The following EPS8 variants were observed in gnomAD, a reference collection of about 807,000 sequenced individuals.
The protein encoded by EPS8 is epidermal growth factor receptor kinase substrate 8.
A neutral mutation model predicts 103.8 loss-of-function variants in EPS8; 42 were observed. The ratio of observed to expected loss-of-function variants is 0.40; its 90% CI spans 0.32 to 0.52. The LOEUF (loss-of-function observed/expected upper bound fraction) is 0.52. Ranked by LOEUF, EPS8 falls within the 20% of genes least tolerant of loss-of-function variation. The pLI is 0.40. For missense variants in EPS8, 969 were observed against 1,005.1 expected (o/e 0.96, Z 0.49); for synonymous variants, 344 against 344.6 (o/e 1.00, Z 0.02).
At chr12:15,661,523 C>G (rs1458802936) in intron 9 of EPS8, among the ~76,000 whole-genome samples, 1 of 152,000 alleles carries the variant, frequency 6.6e-6, no homozygotes, top group Non-Finnish European at 1.5e-5. Context: ...TATAATAAAG[C>G]ATTTACAGCA....
chr12:15,628,223 C>T (rs1944983072), intron 18 of EPS8, among the ~76,000 whole-genome samples: 1 of 152,116 alleles, frequency 6.6e-6, no homozygotes, highest in Non-Finnish European at 1.5e-5. Context: ...AACTGTCAAA[C>T]AGCATATGAG....
intron 1 of EPS8, among the ~76,000 whole-genome samples, chr12:15,729,985 T>C (rs895532242): frequency 6.6e-6 from 1 of 152,180 alleles, no homozygotes; most frequent in Non-Finnish European, 1.5e-5. Flanking sequence ...CTATTCACAA[T>C]ACACTTCTAG....
In EPS8 at chr12:15,769,785, A is replaced by G. The variant is rs1947133843; in HGVS notation, c.-22+19376T>C. On this transcript the variant is annotated intron_variant, in intron 1 of 20. Coordinates refer to ENST00000281172, the MANE Select transcript of EPS8 (RefSeq NM_004447.6). This position sits in a 1 kb window ranked among gnomAD's most constrained non-coding sequence, Gnocchi z 4.6. ...TCACAGAGCAAAATAAATTGGACACAGTACAAAAATTTCCTGAACTTTCTG... is the reference window on the plus strand; with the variant it reads ...TCACAGAGCAAAATAAATTGGACACGGTACAAAAATTTCCTGAACTTTCTG... Among the ~76,000 whole-genome samples, 1 of 152,190 alleles carries G rather than the reference A, an allele frequency of 6.6e-6. No homozygotes were observed. The highest frequency in any genetic ancestry group is 2.1e-4 in the South Asian group (1 of 4,834).
At chr12:15,649,538 G>A (rs1441411506) in intron 14 of EPS8, among the ~76,000 whole-genome samples, 2 of 152,114 alleles carry the variant, frequency 1.3e-5, no homozygotes, top group East Asian at 1.9e-4. Context: ...CTTGCCAACC[G>A]AGCAGTGAGG....
chr12:15,743,567 T>C (rs149067439), intron 1 of EPS8, among the ~76,000 whole-genome samples: 172 of 152,254 alleles, frequency 1.1e-3, no homozygotes, highest in African/African-American at 4.0e-3. Context: ...AACAGAGATA[T>C]AGACCAACGG....
chr12:15,766,290 C>T (rs1342269204), intron 1 of EPS8, among the ~76,000 whole-genome samples: 1 of 149,356 alleles, frequency 6.7e-6, no homozygotes, highest in African/African-American at 2.5e-5. Context: ...CCATCCTGGC[C>T]AACATGGTGA....
At chr12:15,647,373 G>T in intron 14 of EPS8, 113 bp from the exon 15 acceptor site, 1 of 907,962 alleles carries the variant, frequency 1.1e-6, no homozygotes, top group Non-Finnish European at 1.6e-6. Flanking sequence ...ATTTTCAAGT[G>T]ACTGACCATT....
At chr12:15,754,911 G>A (rs531485419) in intron 1 of EPS8, among the ~76,000 whole-genome samples, 236 of 152,270 alleles carry the variant, frequency 1.5e-3, no homozygotes, top group Middle Eastern at 6.8e-3. Context: ...CTGCCACCTG[G>A]TTACTTTCTA....
At position 15,663,941 on chromosome 12, in the gene EPS8, A is replaced by AAT. The variant is rs1555112152; in HGVS notation, c.736+1814_736+1815insAT. The stretch of plus-strand genomic sequence containing the variant: ...ATCTCAAAAAAAAAAAAAAAAAAAA[A>AAT]AAAAATAATATATATATATATATAT... On this transcript the variant is annotated intron_variant, in intron 8 of 20. Coordinates refer to ENST00000281172, the MANE Select transcript of EPS8 (RefSeq NM_004447.6). 1.9e-4 allele frequency among the ~76,000 whole-genome samples: 14 copies of AAT among 73,264 alleles called. 1 individual carries two copies. Among genetic ancestry groups the AAT allele is most frequent in the Non-Finnish European group, 2.5e-4 (10 of 39,648 alleles). 48.1% of individuals were successfully genotyped at this position (73,264 alleles called of 152,430 possible). A position where few individuals can be genotyped will look rare whatever the true frequency, so the allele number is the denominator to read the frequency against.
rs1048023514 is a variant in EPS8, at chr12:15,733,607, C to T, written c.-21-50635G>A. 6.6e-5 allele frequency among the ~76,000 whole-genome samples: 10 copies of T among 151,848 alleles called. No individual in the cohort carries two copies. The highest frequency in any genetic ancestry group is 2.2e-4 in the African/African-American group (9 of 41,302). On this transcript the variant is annotated intron_variant, in intron 1 of 20. Transcript: ENST00000281172. The surrounding 1 kb of genome is among the most constrained non-coding windows in gnomAD (Gnocchi z 4.8). Reference sequence around the variant, plus strand: ...CACCTCAGCCCAGAGATAAGAGGACCACATGTTCTTGGTGGATGGAAGAAG... The same window carrying T: ...CACCTCAGCCCAGAGATAAGAGGACTACATGTTCTTGGTGGATGGAAGAAG...
intron 1 of EPS8, among the ~76,000 whole-genome samples, chr12:15,750,930 C>T (rs145844663): frequency 0.017 from 2,609 of 152,194 alleles, 40 homozygotes; most frequent in Non-Finnish European, 0.026. Flanking sequence ...CTGAACCCTT[C>T]GGCTCAAATT....
Position 15,748,641 on chromosome 12 carries a change from T to C in EPS8, c.-22+40520A>G, listed in dbSNP as rs1946899274. On this transcript the variant is annotated intron_variant, in intron 1 of 20. Transcript: ENST00000281172. This position sits in a 1 kb window ranked among gnomAD's most constrained non-coding sequence, Gnocchi z 4.8. ...ACACGTAGCTTTCATTCCTTTCATC[T>C]GATATAAAGAAAAGAAAATATGCCC... 6.6e-6 allele frequency among the ~76,000 whole-genome samples: 1 copy of C among 152,200 alleles called. No individual in the cohort carries two copies. Among genetic ancestry groups the C allele is most frequent in the South Asian group, 2.1e-4 (1 of 4,834 alleles).
rs1341511360 is a variant in EPS8, at chr12:15,663,951, ATATATATATATATAT to A, written c.736+1790_736+1804del. 3.1e-3 allele frequency among the ~76,000 whole-genome samples: 123 copies of A among 39,666 alleles called. 3 individuals are homozygous for A. Among genetic ancestry groups the A allele is most frequent in the Middle Eastern group, 0.017 (1 of 60 alleles). The allele number at this position is 39,666 out of a possible 152,430, so 26.0% of individuals were successfully genotyped here. A position where few individuals can be genotyped will look rare whatever the true frequency, so the allele number is the denominator to read the frequency against. On this transcript the variant is annotated intron_variant, in intron 8 of 20. Coordinates refer to ENST00000281172, the MANE Select transcript of EPS8 (RefSeq NM_004447.6). ...AAAAAAAAAAAAAAAAAAAAATAAT[ATATATATATATATAT>A]ATATATATATACACACACACATATA... is the stretch of plus-strand genomic sequence containing the variant.
chr12:15,630,712 T>TATGATG (rs147672459), intron 18 of EPS8, among the ~76,000 whole-genome samples: 2 of 151,828 alleles, frequency 1.3e-5, no homozygotes, highest in African/African-American at 4.8e-5. Flanking sequence ...GTAGGAAGGT[T>TATGATG]ATGATGATGA....
rs1945616946 is a variant in EPS8 at position 15,662,144 on chromosome 12, A to G, written c.737-45T>C. The G allele has an allele frequency of 5.1e-6, 8 of 1,573,662 alleles. No individual in the cohort carries two copies. The Admixed American group carries it at 1.2e-4, about 23-fold the overall frequency. On this transcript the variant is annotated intron_variant, in intron 8 of 20. Coordinates refer to ENST00000281172, the MANE Select transcript of EPS8 (RefSeq NM_004447.6). ...AAGTCTTTCAATCTTTTACTCCCAC[A>G]ATACCAATACAGACAATTAAAACAT...
Position 15,690,812 on chromosome 12 carries a change from T to A in EPS8, c.-21-7840A>T, listed in dbSNP as rs1946161251. On this transcript the variant is annotated intron_variant, in intron 1 of 20. Transcript: ENST00000281172. This position sits in a 1 kb window ranked among gnomAD's most constrained non-coding sequence, Gnocchi z 4.7. ...CTTCTTCCTATTATCCTATGCCTCT[T>A]AACATTTTGCCCACAAAGATAAAAA... 6.6e-6 allele frequency among the ~76,000 whole-genome samples: 1 copy of A among 152,182 alleles called. No individual in the cohort carries two copies. The highest frequency in any genetic ancestry group is 1.5e-5 in the Non-Finnish European group (1 of 68,034).
At chr12:15,629,651 C>T (rs916314505) in intron 18 of EPS8, among the ~76,000 whole-genome samples, 49 of 152,194 alleles carry the variant, frequency 3.2e-4, no homozygotes, top group African/African-American at 1.1e-3. Context: ...GAGCTAATCA[C>T]TTTTCCAAAA....
chr12:15,774,843 G>A (rs113128282), intron 1 of EPS8, among the ~76,000 whole-genome samples: 6 of 151,918 alleles, frequency 3.9e-5, no homozygotes, highest in African/African-American at 1.4e-4. Context: ...TTTGTGCACA[G>A]AAATCTTTTT....
intron 1 of EPS8, among the ~76,000 whole-genome samples, chr12:15,719,696 T>C (rs1946573716): frequency 6.6e-6 from 1 of 152,222 alleles, no homozygotes; most frequent in African/African-American, 2.4e-5. Context: ...AAATTGTTAG[T>C]GCAGTGAATG....
Sources: gnomAD v4.1 joint callset for allele counts (sites outside exome capture counted in the v4.1 genomes callset) on GRCh38, gnomAD v4.1.1 for gene constraint, Gnocchi (gnomAD v3.1) non-coding constraint, MANE v1.5 for transcripts, NCBI Gene and HGNC (gene_info 2026-07-23, HGNC 2026-07-21) for gene names.